The following LRMDA variants were observed in gnomAD, a reference collection of about 807,000 sequenced individuals.
The protein encoded by LRMDA is leucine rich melanocyte differentiation associated, also known as leucine-rich melanocyte differentiation-associated protein.
A neutral mutation model predicts 29.8 loss-of-function variants in LRMDA; 18 were observed. That is an observed-to-expected ratio of 0.60 (90% CI 0.42 to 0.90). LRMDA has a LOEUF of 0.90. Among genes scored for constraint, LRMDA ranks in the 40% least tolerant of loss-of-function variants. LRMDA has a pLI of 0.00. For missense variants in LRMDA, 273 were observed against 273.9 expected (o/e 1.00, Z 0.02); for synonymous variants, 125 against 109.4 (o/e 1.14, Z -0.89).
At chr10:76,460,525 A>G (rs76225094) in intron 6 of LRMDA, among the ~76,000 whole-genome samples, 3,441 of 152,318 alleles carry the variant, frequency 0.023, 77 homozygotes, top group South Asian at 0.11. Context: ...AGATGATCAC[A>G]TATCGTGAAT....
At chr10:76,239,993 G>C (rs1232899965) in intron 5 of LRMDA, among the ~76,000 whole-genome samples, 1 of 151,734 alleles carries the variant, frequency 6.6e-6, no homozygotes. Flanking sequence ...ACTATATACA[G>C]TTTTATTGGT....
chr10:75,612,745 T>C (rs1372467520), intron 2 of LRMDA, among the ~76,000 whole-genome samples: 3 of 151,122 alleles, frequency 2.0e-5, no homozygotes, highest in Non-Finnish European at 4.4e-5. Context: ...TTTCATGCCC[T>C]CTCACTGTGA....
At chr10:76,409,078 C>T (rs1337478006) in intron 6 of LRMDA, among the ~76,000 whole-genome samples, 8 of 152,170 alleles carry the variant, frequency 5.3e-5, no homozygotes, top group Admixed American at 5.2e-4. Flanking sequence ...TACTTTCTTT[C>T]AGTTTACCAC....
chr10:76,499,948 C>T lies in LRMDA; in HGVS notation c.602-57261C>T, dbSNP rs1842899439. 4.0e-5 allele frequency among the ~76,000 whole-genome samples: 3 copies of T among 75,752 alleles called. 1 individual carries two copies. The highest frequency in any genetic ancestry group is 1.2e-4 in the Admixed American group (1 of 8,156). 49.7% of individuals were successfully genotyped at this position (75,752 alleles called of 152,430 possible). A position where few individuals can be genotyped will look rare whatever the true frequency, so the allele number is the denominator to read the frequency against. ...GCACTGGCATGATTGTAGCTTACTACAGCCCCAAACTCCTTGGTTCAAGTG... is the reference window on the plus strand; with the variant it reads ...GCACTGGCATGATTGTAGCTTACTATAGCCCCAAACTCCTTGGTTCAAGTG... On this transcript the variant is annotated intron_variant, in intron 6 of 6. Coordinates refer to ENST00000611255, the MANE Select transcript of LRMDA (RefSeq NM_001305581.2).
chr10:75,698,393 C>T (rs1842265262), intron 2 of LRMDA, among the ~76,000 whole-genome samples: 1 of 152,202 alleles, frequency 6.6e-6, no homozygotes. Flanking sequence ...AACTTGTACC[C>T]AGGGAATATC....
At chr10:76,243,349 G>A (rs1852314453) in intron 5 of LRMDA, among the ~76,000 whole-genome samples, 1 of 151,692 alleles carries the variant, frequency 6.6e-6, no homozygotes. Flanking sequence ...GATGGGGCTT[G>A]GTAACAAATA....
intron 5 of LRMDA, among the ~76,000 whole-genome samples, chr10:76,232,038 A>C (rs1488879111): frequency 6.6e-6 from 1 of 152,206 alleles, no homozygotes; most frequent in Non-Finnish European, 1.5e-5. Context: ...AATGGAGGTG[A>C]AACCCAGTGA....
intron 2 of LRMDA, among the ~76,000 whole-genome samples, chr10:76,003,558 A>G (rs1847596833): frequency 6.6e-6 from 1 of 152,238 alleles, no homozygotes; most frequent in Admixed American, 6.5e-5. Context: ...CTATGGAAAA[A>G]AGAAAAAGAG....
intron 6 of LRMDA, among the ~76,000 whole-genome samples, chr10:76,400,487 T>C (rs986196973): frequency 1.3e-5 from 2 of 152,254 alleles, no homozygotes; most frequent in African/African-American, 4.8e-5. Flanking sequence ...GCTAGATTAC[T>C]GCCTGACAAT....
At chr10:76,308,428 T>C (rs879472197) in intron 5 of LRMDA, among the ~76,000 whole-genome samples, 3 of 152,180 alleles carry the variant, frequency 2.0e-5, no homozygotes, top group Non-Finnish European at 4.4e-5. Flanking sequence ...ACATGGTGGC[T>C]GTTCACTGGC....
Position 75,663,471 on chromosome 10 carries a change from C to A in LRMDA, c.131+224977C>A, listed in dbSNP as rs139692792. Among the ~76,000 whole-genome samples the A allele has an allele frequency of 3.0e-3, 456 of 152,222 alleles. 2 individuals carry two copies. Among genetic ancestry groups the A allele is most frequent in the African/African-American group, 0.011 (439 of 41,536 alleles). ...TAATGTTCATCCAGGGTTGAGAACC[C>A]CAATATAAGGCCTCGAGTGTGTTCT... On this transcript the variant is annotated intron_variant, in intron 2 of 6. Coordinates refer to ENST00000611255, the MANE Select transcript of LRMDA (RefSeq NM_001305581.2).
At chr10:75,652,491 T>C (rs1841612322) in intron 2 of LRMDA, among the ~76,000 whole-genome samples, 1 of 152,262 alleles carries the variant, frequency 6.6e-6, no homozygotes, top group South Asian at 2.1e-4. Flanking sequence ...AGAACTATTT[T>C]GTCTGATAAA....
intron 5 of LRMDA, among the ~76,000 whole-genome samples, chr10:76,064,979 C>G (rs1848759780): frequency 6.6e-6 from 1 of 151,934 alleles, no homozygotes. Context: ...TATTCAGATT[C>G]TATTTTCAGT....
At chr10:75,885,769 A>G (rs528566205) in intron 2 of LRMDA, among the ~76,000 whole-genome samples, 1 of 152,260 alleles carries the variant, frequency 6.6e-6, no homozygotes, top group African/African-American at 2.4e-5. Flanking sequence ...ATGATAAGAC[A>G]TACTTAACAT....
chr10:75,783,023 G>C, intron 2 of LRMDA: 1 of 1,614,078 alleles, frequency 6.2e-7, no homozygotes, highest in African/African-American at 1.3e-5. Flanking sequence ...CAAATAAAAG[G>C]TTAGCCAGAC....
intron 6 of LRMDA, among the ~76,000 whole-genome samples, chr10:76,556,756 A>G (rs1270831327): frequency 6.6e-6 from 1 of 152,152 alleles, no homozygotes; most frequent in Non-Finnish European, 1.5e-5. Context: ...CTGGAAGTCA[A>G]CAACATTGCT....
intron 6 of LRMDA, among the ~76,000 whole-genome samples, chr10:76,362,166 CT>C: frequency 6.6e-6 from 1 of 152,302 alleles, no homozygotes; most frequent in South Asian, 2.1e-4. Context: ...CATTTTCTTC[CT>C]TTCAAAAACT....
At chr10:76,221,205 C>T (rs1238479138) in intron 5 of LRMDA, among the ~76,000 whole-genome samples, 12 of 151,990 alleles carry the variant, frequency 7.9e-5, no homozygotes, top group African/African-American at 2.2e-4. Context: ...CCTTTGAAAA[C>T]TGGCACAAGA....
At chr10:76,428,894 A>C (rs554984187) in intron 6 of LRMDA, among the ~76,000 whole-genome samples, 5 of 152,274 alleles carry the variant, frequency 3.3e-5, no homozygotes, top group Admixed American at 6.5e-5. Context: ...GAGGTAAAGA[A>C]GTTTTACTCT....
Sources: gnomAD v4.1 joint callset for allele counts (sites outside exome capture counted in the v4.1 genomes callset) on GRCh38, gnomAD v4.1.1 for gene constraint, MANE v1.5 for transcripts, NCBI Gene and HGNC (gene_info 2026-07-23, HGNC 2026-07-21) for gene names.